Variants in CNBD2 observed in about 807,000 individuals in gnomAD.
The protein encoded by CNBD2 is cyclic nucleotide binding domain containing 2, also known as cyclic nucleotide-binding domain-containing protein 2.
In CNBD2, 64 loss-of-function variants were observed where a neutral mutation model predicts 63.7. The ratio of observed to expected loss-of-function variants is 1.00; its 90% CI spans 0.82 to 1.24. The LOEUF is 1.24. Ranked by LOEUF, CNBD2 falls within the 50% of genes most tolerant of loss-of-function variation. The pLI, the probability that CNBD2 is intolerant of heterozygous loss-of-function variation, is 0.00. For missense variants in CNBD2, 691 were observed against 713.5 expected, an observed-to-expected ratio of 0.97 and a Z score of 0.36; for synonymous variants, 229 against 255.4, an observed-to-expected ratio of 0.90 and a Z score of 0.99.
intron 4 of CNBD2, among the ~76,000 whole-genome samples, chr20:35,982,606 C>T (rs1266569229): frequency 6.6e-6 from 1 of 152,132 alleles, no homozygotes; most frequent in Non-Finnish European, 1.5e-5. Context: ...GGATAAAGGC[C>T]CCTTCTCTGT....
At chr20:35,975,211 C>T (rs1199684420) in intron 2 of CNBD2, among the ~76,000 whole-genome samples, 9 of 135,540 alleles carry the variant, frequency 6.6e-5, no homozygotes, top group African/African-American at 2.3e-4. Context: ...CCTTGTTAGC[C>T]AGGATGGTCT....
At position 35,975,978 on chromosome 20, in the gene CNBD2, TA is replaced by T; in HGVS notation, c.220del (p.Thr74ProfsTer69). 6.2e-7 allele frequency: 1 copy of T among 1,613,234 alleles called. No individual in the cohort carries two copies. The highest frequency in any genetic ancestry group is 8.5e-7 in the Non-Finnish European group (1 of 1,179,292). On this transcript the variant is annotated frameshift_variant, in exon 3 of 12. Coordinates refer to ENST00000373973, the MANE Select transcript of CNBD2 (RefSeq NM_001365709.1). LOFTEE classifies it high-confidence loss of function. ...KKMQSRVTFD[T>X]MDFIAEEGHF... ...AGATGCAAAGCCGAGTCACATTTGA[TA>T]CCATGGACTTCATTGCAGAGGAGGT... is the stretch of plus-strand genomic sequence containing the variant.
intron 11 of CNBD2, 127 bp downstream of exon 11, chr20:36,023,898 T>G (rs2057252250): frequency 4.0e-6 from 3 of 756,322 alleles, no homozygotes; most frequent in Non-Finnish European, 6.3e-6. Context: ...TGGGAGTTGT[T>G]GGTACACTCT....
At chr20:35,994,701 C>T (rs988828203) in intron 7 of CNBD2, among the ~76,000 whole-genome samples, 3 of 151,670 alleles carry the variant, frequency 2.0e-5, no homozygotes, top group Admixed American at 2.0e-4. Flanking sequence ...CCAGCCTGGC[C>T]AACATGGTGA....
downstream of CNBD2, chr20:35,957,604 C>G (rs201015531): frequency 9.9e-5 from 15 of 152,190 alleles, no homozygotes; most frequent in African/African-American, 3.1e-4. Flanking sequence ...GCCTCTTCTT[C>G]GAAAAGGGAT....
At chr20:35,978,366 A>C (rs949148326) in intron 3 of CNBD2, among the ~76,000 whole-genome samples, 1 of 143,098 alleles carries the variant, frequency 7.0e-6, no homozygotes, top group Non-Finnish European at 1.5e-5. Context: ...TTTTTTTGAG[A>C]CGGAGTCGAG....
At chr20:36,012,776 C>T (rs887661756) in intron 10 of CNBD2, among the ~76,000 whole-genome samples, 4 of 145,524 alleles carry the variant, frequency 2.7e-5, no homozygotes, top group East Asian at 2.0e-4. Context: ...GAGCTGAGAT[C>T]GCGCCATTGC....
chr20:36,025,951 A>G (rs562192045), intron 11 of CNBD2, among the ~76,000 whole-genome samples: 1 of 152,316 alleles, frequency 6.6e-6, no homozygotes, highest in East Asian at 1.9e-4. Flanking sequence ...AGAAAGATAA[A>G]TATAAATGAA....
chr20:36,001,762 T>C (rs1462343495), intron 8 of CNBD2, among the ~76,000 whole-genome samples: 5 of 115,022 alleles, frequency 4.3e-5, no homozygotes, highest in South Asian at 2.8e-4. Flanking sequence ...CCAGACGGGG[T>C]GGCGGGGCAG....
intron 7 of CNBD2, among the ~76,000 whole-genome samples, chr20:35,991,915 C>A (rs1433839580): frequency 1.3e-5 from 2 of 151,898 alleles, no homozygotes; most frequent in Non-Finnish European, 2.9e-5. Flanking sequence ...AGTTTCATTC[C>A]TGTCGCCCAG....
chr20:36,017,012 T>C (rs1256715058), intron 10 of CNBD2, among the ~76,000 whole-genome samples: 1 of 150,228 alleles, frequency 6.7e-6, no homozygotes, highest in Non-Finnish European at 1.5e-5. Flanking sequence ...TGAGCCATGA[T>C]TGTGTTACTG....
intron 1 of CNBD2, among the ~76,000 whole-genome samples, chr20:35,969,858 C>T (rs2056388302): frequency 1.3e-5 from 2 of 152,242 alleles, no homozygotes; most frequent in Non-Finnish European, 2.9e-5. Flanking sequence ...TACACACATC[C>T]TCAACTTTAT....
intron 10 of CNBD2, among the ~76,000 whole-genome samples, chr20:36,014,987 G>A (rs186318410): frequency 6.6e-6 from 1 of 152,204 alleles, no homozygotes; most frequent in African/African-American, 2.4e-5. Context: ...CCAATAGTGT[G>A]TGAGGGTTCC....
chr20:36,022,536 T>C (rs1033293131), intron 10 of CNBD2, among the ~76,000 whole-genome samples: 2 of 151,904 alleles, frequency 1.3e-5, no homozygotes, highest in Non-Finnish European at 2.9e-5. Flanking sequence ...GGTTTCACCA[T>C]GTTGGCCAGG....
At chr20:35,984,852 C>A in intron 6 of CNBD2, 74 bp downstream of exon 6, 1 of 1,482,130 alleles carries the variant, frequency 6.7e-7, no homozygotes. Context: ...TGTCCTAGGC[C>A]TGGTGGGAAA....
At chr20:35,954,393 G>A (rs1392203719), upstream of CNBD2, 17 of 1,563,128 alleles carry the variant, frequency 1.1e-5, no homozygotes, top group Non-Finnish European at 1.3e-5. Context: ...GGCAGAGCTC[G>A]CGTCACCCTT....
intron 3 of CNBD2, among the ~76,000 whole-genome samples, chr20:35,978,344 A>AT (rs146244036): frequency 0.025 from 3,466 of 137,078 alleles, 122 homozygotes; most frequent in African/African-American, 0.074. Flanking sequence ...CGCCTGGCTA[A>AT]TTTTTTTTTT....
chr20:35,984,704 C>T lies in CNBD2; in HGVS notation c.642C>T (p.Asp214=). 6.2e-7 allele frequency: 1 copy of T among 1,614,210 alleles called. No homozygotes were observed. The highest frequency in any genetic ancestry group is 8.5e-7 in the Non-Finnish European group (1 of 1,180,030). Residue 214 remains aspartate (D), a synonymous_variant, in exon 6 of 12, where the codon GAC becomes GAT. Coordinates refer to ENST00000373973, the MANE Select transcript of CNBD2 (RefSeq NM_001365709.1). The part of the protein sequence containing the change: ...CMEETEFLVV[D]REDFFANKLD... ...AAGAAACGGAGTTCCTGGTTGTTGA[C>T]CGGGAGGACTTCTTTGCTAATAAGC...
intron 7 of CNBD2, among the ~76,000 whole-genome samples, chr20:35,989,618 C>T (rs1476933790): frequency 2.0e-5 from 3 of 152,068 alleles, no homozygotes; most frequent in African/African-American, 7.2e-5. Flanking sequence ...CTTGTACCTG[C>T]CTATGAGAGC....
Sources: gnomAD v4.1 joint callset for allele counts (sites outside exome capture counted in the v4.1 genomes callset) on GRCh38, gnomAD v4.1.1 for gene constraint, MANE v1.5 for transcripts, NCBI Gene and HGNC (gene_info 2026-07-23, HGNC 2026-07-21) for gene names.